Variants in ATP8A2 observed in about 807,000 individuals in gnomAD.
The protein encoded by ATP8A2 is phospholipid-transporting ATPase IB.
Under a neutral mutation model 165.6 loss-of-function variants are expected in ATP8A2, and 100 were observed. The observed-to-expected ratio is 0.60, with a 90% CI of 0.51 to 0.71. The LOEUF is 0.71. ATP8A2 is among the 30% of genes least tolerant of loss of function. The pLI, the probability that ATP8A2 is intolerant of heterozygous loss-of-function variation, is 0.00. For missense variants in ATP8A2, 1,227 were observed against 1,479.5 expected (o/e 0.83, Z 2.80); for synonymous variants, 543 against 548.8 (o/e 0.99, Z 0.15).
At chr13:25,604,043 G>A (rs1431207109) in intron 24 of ATP8A2, among the ~76,000 whole-genome samples, 3 of 151,992 alleles carry the variant, frequency 2.0e-5, no homozygotes, top group South Asian at 4.2e-4. Context: ...GTGGGTGGTG[G>A]GGTGGGGGGT....
chr13:25,802,660 G>C lies in ATP8A2; in HGVS notation c.2680-25458G>C, dbSNP rs77034867. Among the ~76,000 whole-genome samples the C allele has an allele frequency of 6.6e-5, 10 of 152,150 alleles. No homozygotes were observed. In the East Asian group the frequency reaches 1.9e-3, roughly 29 times the overall value. The stretch of plus-strand genomic sequence containing the variant: ...TTGTAAAATGGAAGCCTGATGTGCT[G>C]GATATTAATTTAGCAATAGATAAGT... On this transcript the variant is annotated intron_variant, in intron 27 of 36. Transcript: ENST00000381655.
chr13:25,431,015 T>TACAC (rs1322323208), intron 1 of ATP8A2, among the ~76,000 whole-genome samples: 2 of 151,346 alleles, frequency 1.3e-5, no homozygotes, highest in African/African-American at 4.9e-5. Context: ...CACACACATA[T>TACAC]ATATACACAC....
At chr13:25,384,987 A>G (rs1005052469) in intron 1 of ATP8A2, among the ~76,000 whole-genome samples, 2 of 152,120 alleles carry the variant, frequency 1.3e-5, no homozygotes, top group South Asian at 2.1e-4. Context: ...TTGCTGAGCT[A>G]TATTGCTCAA....
rs538348386 is a variant in ATP8A2 at position 25,755,609 on chromosome 13, A to G, written c.2385-13437A>G. ...ATGTAATATAATATAATAGGTTGAT[A>G]TATAAAGAAACCCCAGGCCGAGCAC... On this transcript the variant is annotated intron_variant, in intron 25 of 36. Coordinates refer to ENST00000381655, the MANE Select transcript of ATP8A2 (RefSeq NM_016529.6). 2.6e-5 allele frequency among the ~76,000 whole-genome samples: 4 copies of G among 152,304 alleles called. No individual in the cohort carries two copies. The South Asian group carries it at 8.3e-4, about 32-fold the overall frequency.
At chr13:25,580,432 A>G (rs74041030) in intron 22 of ATP8A2, among the ~76,000 whole-genome samples, 432 of 151,952 alleles carry the variant, frequency 2.8e-3, no homozygotes, top group African/African-American at 0.01. Flanking sequence ...GCTCACTTTC[A>G]ATTTATTGGT....
intron 1 of ATP8A2, among the ~76,000 whole-genome samples, chr13:25,436,958 G>C (rs2034797006): frequency 6.6e-6 from 1 of 151,906 alleles, no homozygotes; most frequent in African/African-American, 2.4e-5. Context: ...TGTATTTTTT[G>C]TAGAGATGAG....
chr13:25,736,234 C>T lies in ATP8A2; in HGVS notation c.2385-32812C>T, dbSNP rs146196117. Among the ~76,000 whole-genome samples the T allele has an allele frequency of 1.2e-3, 185 of 152,202 alleles. 1 individual carries two copies. The highest frequency in any genetic ancestry group is 4.1e-3 in the African/African-American group (169 of 41,510). ...ATTGCATCCCCTTCATTATGTGATGCGTGACTACATTCCAAGGGTGAAAAG... is the reference window on the plus strand; with the variant it reads ...ATTGCATCCCCTTCATTATGTGATGTGTGACTACATTCCAAGGGTGAAAAG... On this transcript the variant is annotated intron_variant, in intron 25 of 36. Transcript: ENST00000381655.
At chr13:25,733,631 C>T (rs1271087716) in intron 25 of ATP8A2, among the ~76,000 whole-genome samples, 1 of 152,178 alleles carries the variant, frequency 6.6e-6, no homozygotes, top group Non-Finnish European at 1.5e-5. Context: ...TGTCGGCCCT[C>T]TCACATACTG....
chr13:25,667,641 C>CTT (rs58560172), intron 24 of ATP8A2, among the ~76,000 whole-genome samples: 3,755 of 150,540 alleles, frequency 0.025, 215 homozygotes, highest in East Asian at 0.24. Flanking sequence ...AGATAAGCCT[C>CTT]TTTTTTTTTT....
chr13:25,747,360 T>G (rs903139363), intron 25 of ATP8A2, among the ~76,000 whole-genome samples: 1 of 152,248 alleles, frequency 6.6e-6, no homozygotes, highest in Non-Finnish European at 1.5e-5. Context: ...AAGTCAGTTT[T>G]CAGTGTCGCA....
At chr13:25,418,556 G>A (rs2034202890) in intron 1 of ATP8A2, among the ~76,000 whole-genome samples, 1 of 152,084 alleles carries the variant, frequency 6.6e-6, no homozygotes, top group Non-Finnish European at 1.5e-5. Context: ...ATTGATTCCA[G>A]GCAGAATGCA....
chr13:25,794,832 C>CAG (rs1189030332), intron 27 of ATP8A2, among the ~76,000 whole-genome samples: 1 of 149,576 alleles, frequency 6.7e-6, no homozygotes, highest in African/African-American at 2.5e-5. Flanking sequence ...CACACACACA[C>CAG]ACACACACAC....
chr13:25,465,722 TC>T, intron 1 of ATP8A2, among the ~76,000 whole-genome samples: 2 of 65,520 alleles, frequency 3.1e-5, no homozygotes, highest in African/African-American at 1.5e-4. Flanking sequence ...TTTCTTTCTT[TC>T]TTTCTTTCTT....
chr13:25,626,099 G>A (rs939285344), intron 24 of ATP8A2, among the ~76,000 whole-genome samples: 10 of 152,226 alleles, frequency 6.6e-5, no homozygotes, highest in Admixed American at 2.0e-4. Flanking sequence ...TTATTCTTTC[G>A]TTCAGCAAAT....
intron 33 of ATP8A2, among the ~76,000 whole-genome samples, chr13:25,949,949 A>G (rs1955308993): frequency 2.6e-5 from 4 of 151,970 alleles, no homozygotes; most frequent in Admixed American, 2.6e-4. Flanking sequence ...ATAGGCACAC[A>G]CCACCACGCC....
intron 24 of ATP8A2, among the ~76,000 whole-genome samples, chr13:25,664,816 C>A (rs1445008754): frequency 6.6e-6 from 1 of 152,100 alleles, no homozygotes; most frequent in Non-Finnish European, 1.5e-5. Flanking sequence ...ATCTAGTGAC[C>A]ATATACCTTT....
At chr13:25,382,130 G>C (rs1165158037) in intron 1 of ATP8A2, among the ~76,000 whole-genome samples, 1 of 152,076 alleles carries the variant, frequency 6.6e-6, no homozygotes, top group Non-Finnish European at 1.5e-5. Flanking sequence ...TCTTTTTACT[G>C]TCTCCATAGT....
At chr13:26,016,050 C>T (rs1008003471) in intron 36 of ATP8A2, among the ~76,000 whole-genome samples, 2 of 152,164 alleles carry the variant, frequency 1.3e-5, no homozygotes, top group South Asian at 2.1e-4. Flanking sequence ...CTCTAACTCC[C>T]GCCAGGCCTG....
At chr13:25,919,449 A>G (rs772143317) in intron 33 of ATP8A2, among the ~76,000 whole-genome samples, 6 of 152,136 alleles carry the variant, frequency 3.9e-5, no homozygotes, top group Non-Finnish European at 8.8e-5. Context: ...TCGGGATGTG[A>G]AAGAATGTAT....
Sources: gnomAD v4.1 joint callset for allele counts (sites outside exome capture counted in the v4.1 genomes callset) on GRCh38, gnomAD v4.1.1 for gene constraint, MANE v1.5 for transcripts, NCBI Gene and HGNC (gene_info 2026-07-23, HGNC 2026-07-21) for gene names.